The following ITGA2 variants were observed in gnomAD, a reference collection of about 807,000 sequenced individuals.
ITGA2 encodes integrin alpha-2.
In ITGA2, 101 loss-of-function variants were observed where a neutral mutation model predicts 146.3. The ratio of observed to expected loss-of-function variants is 0.69; its 90% CI spans 0.59 to 0.81. ITGA2 has a LOEUF of 0.81. Among genes scored for constraint, ITGA2 ranks in the 40% least tolerant of loss-of-function variants. ITGA2 has a pLI of 0.00. For missense variants in ITGA2, 1,281 were observed against 1,402.7 expected (o/e 0.91, Z 1.39); for synonymous variants, 477 against 487.1 (o/e 0.98, Z 0.27).
At chr5:53,006,633 A>C (rs1741868023) in intron 1 of ITGA2, among the ~76,000 whole-genome samples, 1 of 152,188 alleles carries the variant, frequency 6.6e-6, no homozygotes. Context: ...GCAAGGTATT[A>C]TTCTAAGTGC....
intron 4 of ITGA2, among the ~76,000 whole-genome samples, chr5:53,045,875 T>C (rs1744056558): frequency 1.3e-5 from 2 of 151,300 alleles, no homozygotes; most frequent in South Asian, 2.1e-4. Flanking sequence ...GGTATGTGTA[T>C]GTATGTATAA....
intron 1 of ITGA2, among the ~76,000 whole-genome samples, chr5:53,014,594 A>C (rs1189508919): frequency 8.5e-5 from 13 of 152,130 alleles, no homozygotes; most frequent in African/African-American, 3.1e-4. Flanking sequence ...ATTTGGTATT[A>C]GAATAATGCT....
rs138794774 is a variant in ITGA2 at position 53,042,860 on chromosome 5, C to A, written c.295+639C>A. Among the ~76,000 whole-genome samples the A allele has an allele frequency of 1.7e-3, 265 of 152,086 alleles. 1 individual carries two copies. Among genetic ancestry groups the A allele is most frequent in the Non-Finnish European group, 3.1e-3 (214 of 67,990 alleles). ...CAGCAGCAGCAGCCTAAAAAAACAG[C>A]CCTGAGGAATCACGGAGTTCCTCTG... On this transcript the variant is annotated intron_variant, in intron 3 of 29. Coordinates refer to ENST00000296585, the MANE Select transcript of ITGA2 (RefSeq NM_002203.4).
At chr5:52,995,267 G>A (rs889847111) in intron 1 of ITGA2, among the ~76,000 whole-genome samples, 2 of 152,170 alleles carry the variant, frequency 1.3e-5, no homozygotes, top group Non-Finnish European at 2.9e-5. Flanking sequence ...CCTTGAGCAG[G>A]GGAGTGACAT....
intron 7 of ITGA2, 141 bp downstream of exon 7, chr5:53,051,700 AC>A: frequency 3.5e-6 from 3 of 857,540 alleles, no homozygotes; most frequent in South Asian, 3.2e-5. Context: ...AAAGAAAAAA[AC>A]ATCAGAGCAT....
At chr5:53,055,961 C>T in intron 8 of ITGA2, 23 bp from the exon 9 acceptor site, 1 of 1,603,272 alleles carries the variant, frequency 6.2e-7, no homozygotes, top group Non-Finnish European at 8.5e-7. Flanking sequence ...AATGACTGCA[C>T]ATTCTCTTCC....
rs1374769587 is a variant in ITGA2 at position 53,071,793 on chromosome 5, CACA to C, written c.2236-140_2236-138del. ...AAAAGAAGCGAGAGTCTTGATTATT[CACA>C]ACAAAGATATTCTACATAATTGAGA... On this transcript the variant is annotated intron_variant, in intron 17 of 29. Coordinates refer to ENST00000296585, the MANE Select transcript of ITGA2 (RefSeq NM_002203.4). 7.6e-5 allele frequency: 53 copies of C among 699,686 alleles called. No homozygotes were observed. In the South Asian group the frequency reaches 8.1e-4, roughly 11 times the overall value. 43.3% of individuals were successfully genotyped at this position (699,686 alleles called of 1,614,324 possible). A position where few individuals can be genotyped will look rare whatever the true frequency, so the allele number is the denominator to read the frequency against.
At position 53,062,838 on chromosome 5, in the gene ITGA2, C is replaced by A; in HGVS notation, c.1511C>A (p.Thr504Asn). 3 of 1,611,314 alleles carry A rather than the reference C, an allele frequency of 1.9e-6. No homozygotes were observed. Among genetic ancestry groups the A allele is most frequent in the East Asian group, 4.5e-5 (2 of 44,752 alleles). ...VLCSVDVDKD[T>N]ITDVLLVGAP... The stretch of plus-strand genomic sequence containing the variant: ...TGTTCAGTTGATGTGGATAAAGACA[C>A]CATTACAGACGTGCTCTTGGTAGGT... Residue 504 changes from threonine to asparagine, a missense_variant, in exon 13 of 30, where the codon ACC becomes AAC. Around this residue, in one of 3 missense-constraint regions of ITGA2, gnomAD observed 795 missense variants for 841.7 expected, o/e 0.94. Coordinates refer to ENST00000296585, the MANE Select transcript of ITGA2 (RefSeq NM_002203.4).
At chr5:53,002,245 T>A (rs1021765823) in intron 1 of ITGA2, among the ~76,000 whole-genome samples, 4 of 152,122 alleles carry the variant, frequency 2.6e-5, no homozygotes, top group Non-Finnish European at 4.4e-5. Flanking sequence ...TATATCTGTA[T>A]ATTTGCTTGT....
At chr5:53,087,962 C>T (rs1265660171) in intron 28 of ITGA2, among the ~76,000 whole-genome samples, 1 of 152,166 alleles carries the variant, frequency 6.6e-6, no homozygotes, top group East Asian at 1.9e-4. Flanking sequence ...GTGAAGCTCA[C>T]AGCACTGGAG....
intron 1 of ITGA2, among the ~76,000 whole-genome samples, chr5:52,996,832 CTAG>C (rs1324296477): frequency 1.3e-5 from 2 of 152,120 alleles, no homozygotes; most frequent in African/African-American, 4.8e-5. Context: ...TTATTTCTAT[CTAG>C]TTTAATAAAG....
At chr5:53,041,208 C>T (rs544725002) in intron 2 of ITGA2, among the ~76,000 whole-genome samples, 2 of 152,130 alleles carry the variant, frequency 1.3e-5, no homozygotes, top group East Asian at 3.9e-4. Context: ...CAAACTGATA[C>T]CTGGGCTCTT....
chr5:53,010,714 G>A (rs1742081840), intron 1 of ITGA2, among the ~76,000 whole-genome samples: 1 of 152,164 alleles, frequency 6.6e-6, no homozygotes, highest in Non-Finnish European at 1.5e-5. Context: ...TATTTTGCAT[G>A]TGGCATGAAT....
At chr5:53,083,613 C>A (rs909344015) in intron 27 of ITGA2, among the ~76,000 whole-genome samples, 160 bp downstream of exon 27, 7 of 152,226 alleles carry the variant, frequency 4.6e-5, no homozygotes, top group Non-Finnish European at 7.3e-5. Context: ...ACTTCCATCG[C>A]TTTCCAATGC....
At chr5:53,008,994 T>G (rs1327967824) in intron 1 of ITGA2, among the ~76,000 whole-genome samples, 1 of 152,066 alleles carries the variant, frequency 6.6e-6, no homozygotes, top group African/African-American at 2.4e-5. Context: ...CACTCTAGTC[T>G]CATAGTGTTA....
At chr5:52,990,197 T>A (rs1197291218) in intron 1 of ITGA2, 1 of 153,630 alleles carries the variant, frequency 6.5e-6, no homozygotes, top group African/African-American at 2.4e-5. Flanking sequence ...CTTCCTCTTA[T>A]TGTTGTAACA....
intron 6 of ITGA2, among the ~76,000 whole-genome samples, chr5:53,050,045 T>C (rs1744278484): frequency 6.6e-6 from 1 of 152,198 alleles, no homozygotes; most frequent in Non-Finnish European, 1.5e-5. Context: ...TTCCGCTAAA[T>C]AAAACTACAT....
chr5:52,995,119 C>T (rs1741172387), intron 1 of ITGA2, among the ~76,000 whole-genome samples: 1 of 152,156 alleles, frequency 6.6e-6, no homozygotes, highest in Non-Finnish European at 1.5e-5. Context: ...ACAGAAGGTC[C>T]TTATGCCCAC....
chr5:53,010,365 A>C (rs1406521647), intron 1 of ITGA2, among the ~76,000 whole-genome samples: 2 of 152,184 alleles, frequency 1.3e-5, no homozygotes, highest in Non-Finnish European at 2.9e-5. Context: ...TCAGGCCTTG[A>C]AATCTAATTG....
Sources: gnomAD v4.1 joint callset for allele counts (sites outside exome capture counted in the v4.1 genomes callset) on GRCh38, gnomAD v4.1.1 for gene constraint, gnomAD v4.1.1 regional missense constraint, MANE v1.5 for transcripts, NCBI Gene and HGNC (gene_info 2026-07-23, HGNC 2026-07-21) for gene names.